Variants in RB1 observed in about 807,000 individuals in gnomAD.
RB1 encodes the protein retinoblastoma-associated protein.
RB1 carries 18 observed loss-of-function variants against 135.4 expected under a neutral mutation model. The observed-to-expected ratio is 0.13, with a 90% CI of 0.09 to 0.20. The LOEUF is 0.20. Ranked by LOEUF, RB1 falls within the 10% of genes least tolerant of loss-of-function variation. The pLI, the probability that RB1 is intolerant of heterozygous loss-of-function variation, is 1.00. For missense variants in RB1, 868 were observed against 1,110.0 expected (o/e 0.78, Z 3.10); for synonymous variants, 365 against 373.2 (o/e 0.98, Z 0.25).
rs1171306541 is a variant in RB1, at chr13:48,319,150, G to T, written c.264+11744G>T. The T allele has an allele frequency of 3.3e-6, 2 of 604,176 alleles. No individual in the cohort carries two copies. The highest frequency in any genetic ancestry group is 6.0e-6 in the Non-Finnish European group (2 of 333,428). The allele number at this position is 604,176 out of a possible 1,614,324, so 37.4% of individuals were successfully genotyped here. ...CTTTGGTTTCCTTCGGGAGCTTGTG[G>T]GGAATGGTCAGCGTCTAGGCACCCC... On this transcript the variant is annotated intron_variant, in intron 2 of 26. Transcript: ENST00000267163. The surrounding 1 kb of genome is among the most constrained non-coding windows in gnomAD (Gnocchi z 5.0).
At chr13:48,442,528 GTACTT>G (rs1462575767) in intron 17 of RB1, among the ~76,000 whole-genome samples, 29 of 152,262 alleles carry the variant, frequency 1.9e-4, no homozygotes, top group Middle Eastern at 3.4e-3. Context: ...CTTTCCTACT[GTACTT>G]AGGATAAATT....
In RB1 at chr13:48,348,840, C is replaced by T. The variant is rs1452511894; in HGVS notation, c.540-116C>T. 13 of 1,263,320 alleles carry T rather than the reference C, an allele frequency of 1.0e-5. No homozygotes were observed. In the South Asian group the frequency reaches 1.3e-4, roughly 12 times the overall value. 78.3% of individuals were successfully genotyped at this position (1,263,320 alleles called of 1,614,324 possible). ...GGACTGCATTCTATTATGCATTTAA[C>T]TAAGGTCATTTTTTTTTTAATGCAC... On this transcript the variant is annotated intron_variant, in intron 5 of 26. Coordinates refer to ENST00000267163, the MANE Select transcript of RB1 (RefSeq NM_000321.3).
intron 6 of RB1, among the ~76,000 whole-genome samples, chr13:48,358,914 G>A (rs537399133): frequency 6.6e-6 from 1 of 152,038 alleles, no homozygotes; most frequent in East Asian, 1.9e-4. Flanking sequence ...TACCACTATG[G>A]TATTTTAAAA....
At chr13:48,398,606 T>C (rs1268895477) in intron 17 of RB1, among the ~76,000 whole-genome samples, 1 of 152,042 alleles carries the variant, frequency 6.6e-6, no homozygotes, top group Non-Finnish European at 1.5e-5. Flanking sequence ...CAGCTCTCTT[T>C]AAGTAATTTG....
At chr13:48,356,167 C>T (rs1952588790) in intron 6 of RB1, among the ~76,000 whole-genome samples, 1 of 151,962 alleles carries the variant, frequency 6.6e-6, no homozygotes, top group African/African-American at 2.4e-5. Flanking sequence ...AAACATCTCA[C>T]ATACCCCGTA....
chr13:48,372,875 C>T (rs1367036729), intron 11 of RB1, among the ~76,000 whole-genome samples: 1 of 152,144 alleles, frequency 6.6e-6, no homozygotes, highest in Non-Finnish European at 1.5e-5. Flanking sequence ...AATACACACA[C>T]ATAAAATTAT....
At chr13:48,401,501 T>G (rs920245469) in intron 17 of RB1, 6 of 152,226 alleles carry the variant, frequency 3.9e-5, no homozygotes, top group Non-Finnish European at 8.8e-5. Flanking sequence ...CTAAGCTTAC[T>G]TACCTTTAAT....
At chr13:48,408,486 G>A (rs1948759343) in intron 17 of RB1, 3 of 151,952 alleles carry the variant, frequency 2.0e-5, no homozygotes, top group Non-Finnish European at 4.4e-5. Flanking sequence ...AATAACAGTG[G>A]GCACAGTTTT....
intron 17 of RB1, among the ~76,000 whole-genome samples, chr13:48,419,685 T>TA (rs1023430846): frequency 1.3e-4 from 19 of 151,484 alleles, no homozygotes; most frequent in Non-Finnish European, 1.6e-4. Flanking sequence ...ATAGACACAA[T>TA]AAAAAAATGC....
intron 1 of RB1, among the ~76,000 whole-genome samples, chr13:48,304,638 T>C (rs1952063276): frequency 6.6e-6 from 1 of 152,148 alleles, no homozygotes; most frequent in Admixed American, 6.5e-5. Flanking sequence ...AGAACAATAA[T>C]GCATCGAGGC....
chr13:48,398,887 A>G (rs768825222), intron 17 of RB1, among the ~76,000 whole-genome samples: 2 of 152,128 alleles, frequency 1.3e-5, no homozygotes, highest in East Asian at 1.9e-4. Context: ...CTAGGAGCTA[A>G]TAAGTAACAA....
At position 48,447,639 on chromosome 13, in the gene RB1, C is replaced by T. The variant is rs574777292; in HGVS notation, c.1696-5354C>T. On this transcript the variant is annotated intron_variant, in intron 17 of 26. Coordinates refer to ENST00000267163, the MANE Select transcript of RB1 (RefSeq NM_000321.3). Reference sequence around the variant, plus strand: ...TACTATTATCATTAGTATCTCTGCTCTACAGTTGAGAAGCTTATTGAGGGT... The same window carrying T: ...TACTATTATCATTAGTATCTCTGCTTTACAGTTGAGAAGCTTATTGAGGGT... 1.7e-4 allele frequency among the ~76,000 whole-genome samples: 26 copies of T among 152,148 alleles called. No individual in the cohort carries two copies. The South Asian group carries it at 3.9e-3, about 23-fold the overall frequency.
chr13:48,381,743 C>T (rs529973172), intron 17 of RB1, among the ~76,000 whole-genome samples: 43 of 152,058 alleles, frequency 2.8e-4, no homozygotes, highest in Admixed American at 7.2e-4. Flanking sequence ...ATGTGCACAA[C>T]GTGCAGGTTT....
intron 17 of RB1, chr13:48,391,335 A>G (rs1048789383): frequency 1.3e-5 from 2 of 152,236 alleles, no homozygotes; most frequent in Admixed American, 1.3e-4. Flanking sequence ...GTTTTAAACC[A>G]ATTATCTCTT....
At position 48,350,796 on chromosome 13, in the gene RB1, A is replaced by AT. The variant is rs139167889; in HGVS notation, c.607+1776dup. ...ATCTTTGTGTTCTTCAGTTTTCATC[A>AT]TTTAGCTCCCACTTATAAGTGAGGC... On this transcript the variant is annotated intron_variant, in intron 6 of 26. Coordinates refer to ENST00000267163, the MANE Select transcript of RB1 (RefSeq NM_000321.3). 0.012 allele frequency among the ~76,000 whole-genome samples: 1,759 copies of AT among 152,162 alleles called. 64 individuals carry two copies. The East Asian group carries it at 0.12, about 10-fold the overall frequency.
chr13:48,430,864 G>A (rs1336884228), intron 17 of RB1, among the ~76,000 whole-genome samples: 2 of 152,048 alleles, frequency 1.3e-5, no homozygotes, highest in African/African-American at 2.4e-5. Flanking sequence ...AGGAGTTTGG[G>A]GCTGCAGTAG....
At chr13:48,351,783 C>T (rs1480026913) in intron 6 of RB1, among the ~76,000 whole-genome samples, 1 of 151,940 alleles carries the variant, frequency 6.6e-6, no homozygotes, top group African/African-American at 2.4e-5. Flanking sequence ...AAGTGATTAT[C>T]TTGCCTCAGC....
chr13:48,363,209 T>G (rs974623455), intron 8 of RB1, among the ~76,000 whole-genome samples: 13 of 152,038 alleles, frequency 8.6e-5, no homozygotes, highest in Non-Finnish European at 1.6e-4. Context: ...ATGTAGTTTT[T>G]TTTTTTTTTT....
intron 17 of RB1, among the ~76,000 whole-genome samples, chr13:48,438,402 C>T (rs1310857693): frequency 6.6e-6 from 1 of 152,068 alleles, no homozygotes; most frequent in African/African-American, 2.4e-5. Flanking sequence ...TTTGTTCTTT[C>T]TTTAGGATTC....
Sources: allele counts gnomAD v4.1 joint callset (sites outside exome capture counted in the v4.1 genomes callset), GRCh38; gene constraint gnomAD v4.1.1; non-coding constraint Gnocchi (gnomAD v3.1); transcripts MANE v1.5; gene names NCBI Gene and HGNC (gene_info 2026-07-23, HGNC 2026-07-21).